Variants in TMTC2 observed in about 807,000 individuals in gnomAD.
TMTC2 encodes transmembrane O-mannosyltransferase targeting cadherins 2.
In TMTC2, 43 loss-of-function variants were observed where a neutral mutation model predicts 82.4. That is an observed-to-expected ratio of 0.52 (90% CI 0.41 to 0.67). The LOEUF is 0.67. TMTC2 is among the 30% of genes least tolerant of loss of function. TMTC2 has a pLI of 0.00. For missense variants in TMTC2, 919 were observed against 1,012.4 expected, an observed-to-expected ratio of 0.91 and a Z score of 1.25; for synonymous variants, 408 against 381.9, an observed-to-expected ratio of 1.07 and a Z score of -0.80.
At chr12:82,932,642 C>A (rs991262614) in intron 4 of TMTC2, among the ~76,000 whole-genome samples, 1 of 152,126 alleles carries the variant, frequency 6.6e-6, no homozygotes, top group African/African-American at 2.4e-5. Context: ...GTTCTTTACA[C>A]TTTTTGCATC....
intron 1 of TMTC2, among the ~76,000 whole-genome samples, chr12:82,745,809 G>C (rs1306652401): frequency 3.3e-5 from 5 of 152,168 alleles, no homozygotes; most frequent in Non-Finnish European, 7.3e-5. Context: ...GTATTAATGT[G>C]GTGACTTAAT....
intron 1 of TMTC2, among the ~76,000 whole-genome samples, chr12:82,782,659 T>TAGTC (rs1488805285): frequency 6.6e-6 from 1 of 152,186 alleles, no homozygotes; most frequent in African/African-American, 2.4e-5. Flanking sequence ...AGCGTTTGGA[T>TAGTC]AGTCATTGAA....
chr12:83,066,968 G>A (rs933259325), intron 11 of TMTC2, among the ~76,000 whole-genome samples: 9 of 151,862 alleles, frequency 5.9e-5, no homozygotes, highest in African/African-American at 2.2e-4. Context: ...ATAGAGATGT[G>A]GGAGTCATTT....
At chr12:83,096,842 T>C (rs1193586539) in intron 11 of TMTC2, among the ~76,000 whole-genome samples, 1 of 152,196 alleles carries the variant, frequency 6.6e-6, no homozygotes, top group African/African-American at 2.4e-5. Flanking sequence ...ACCTATTAGT[T>C]TCTACTCATT....
intron 8 of TMTC2, among the ~76,000 whole-genome samples, chr12:83,004,725 T>TA: frequency 2.6e-5 from 1 of 37,902 alleles, no homozygotes; most frequent in Non-Finnish European, 4.5e-5. Context: ...TGGCCGAATT[T>TA]TTTTTTTTTT....
chr12:83,024,154 C>T (rs1881059636), intron 8 of TMTC2, among the ~76,000 whole-genome samples: 1 of 151,940 alleles, frequency 6.6e-6, no homozygotes, highest in Admixed American at 6.6e-5. Context: ...TGATGGACAC[C>T]CCACCTCAAC....
intron 1 of TMTC2, among the ~76,000 whole-genome samples, chr12:82,711,133 T>C (rs1247046731): frequency 3.3e-5 from 5 of 152,168 alleles, no homozygotes; most frequent in Admixed American, 6.6e-5. Flanking sequence ...TTAAAGTCAT[T>C]AGGAGTATAG....
chr12:82,857,347 G>C lies in TMTC2; in HGVS notation c.421G>C (p.Asp141His), dbSNP rs1484450121. The C allele has an allele frequency of 1.2e-6, 2 of 1,614,022 alleles. No individual in the cohort carries two copies. Among genetic ancestry groups the C allele is most frequent in the African/African-American group, 1.3e-5 (1 of 74,914 alleles). The change falls in exon 2 of 12, where the codon GAT (aspartate) becomes CAT (histidine). Residue 141 changes from aspartate (D) to histidine (H), a missense_variant. Transcript: ENST00000321196. The stretch of plus-strand genomic sequence containing the variant: ...AGTGGCAGGAATCGTGGGACGAGCC[G>C]ATGTCGGGGCCAGTCTCTTCTTTCT... ...EAVAGIVGRADVGASLFFLLS... is the reference protein window; with the variant it reads ...EAVAGIVGRAHVGASLFFLLS...
At chr12:82,986,095 G>T in intron 8 of TMTC2, 49 bp downstream of exon 8, 1 of 1,612,812 alleles carries the variant, frequency 6.2e-7, no homozygotes, top group South Asian at 1.1e-5. Flanking sequence ...TCTCCATGCA[G>T]ACCGGGATAG....
intron 4 of TMTC2, among the ~76,000 whole-genome samples, chr12:82,933,078 G>T (rs535354372): frequency 6.6e-6 from 1 of 152,180 alleles, no homozygotes; most frequent in Admixed American, 6.6e-5. Flanking sequence ...TTGGAAATAG[G>T]TTATGTCGTA....
rs750327519 is a variant in TMTC2 at position 83,040,679 on chromosome 12, C to CTTTTTTT, written c.2152+9813_2152+9819dup. 5.3e-3 allele frequency among the ~76,000 whole-genome samples: 656 copies of CTTTTTTT among 124,136 alleles called. 3 individuals carry two copies. The highest frequency in any genetic ancestry group is 8.3e-3 in the East Asian group (33 of 4,000). 81.4% of individuals were successfully genotyped at this position (124,136 alleles called of 152,430 possible). ...CAATCAACTTTTTTTCTGTCCTTTT[C>CTTTTTTT]TTTTTTTTTTTTTTTTTTTCTTTTG... On this transcript the variant is annotated intron_variant, in intron 9 of 11. Coordinates refer to ENST00000321196, the MANE Select transcript of TMTC2 (RefSeq NM_152588.3).
chr12:82,722,052 G>A (rs754493953), intron 1 of TMTC2, among the ~76,000 whole-genome samples: 21 of 152,116 alleles, frequency 1.4e-4, no homozygotes, highest in Non-Finnish European at 2.6e-4. Context: ...TGGAAGAACT[G>A]TAAGGTTTTA....
intron 1 of TMTC2, among the ~76,000 whole-genome samples, chr12:82,832,527 T>C (rs1647369390): frequency 6.6e-6 from 1 of 152,138 alleles, no homozygotes; most frequent in Non-Finnish European, 1.5e-5. Flanking sequence ...CTATATTTTG[T>C]CCTGTGTAAT....
intron 2 of TMTC2, among the ~76,000 whole-genome samples, chr12:82,891,857 GT>G (rs1396169058): frequency 7.6e-4 from 115 of 152,206 alleles, no homozygotes; most frequent in African/African-American, 2.6e-3. Context: ...TTACCTGTTG[GT>G]TTAGTTTCCC....
chr12:82,864,243 G>T (rs145583406), intron 2 of TMTC2, among the ~76,000 whole-genome samples: 1 of 151,988 alleles, frequency 6.6e-6, no homozygotes, highest in East Asian at 1.9e-4. Flanking sequence ...GTGCTATATT[G>T]TGGCTCCCAA....
intron 2 of TMTC2, among the ~76,000 whole-genome samples, chr12:82,893,581 T>C (rs1276318426): frequency 6.6e-6 from 1 of 152,168 alleles, no homozygotes; most frequent in Non-Finnish European, 1.5e-5. Context: ...CCGCTTAAAA[T>C]TGTCTAATTT....
At chr12:82,955,413 G>A (rs575615411) in intron 4 of TMTC2, among the ~76,000 whole-genome samples, 2 of 152,174 alleles carry the variant, frequency 1.3e-5, no homozygotes, top group South Asian at 4.2e-4. Context: ...TGTTATTGTG[G>A]GTTTGACTGT....
At chr12:82,788,423 A>G (rs12298363) in intron 1 of TMTC2, among the ~76,000 whole-genome samples, 18,579 of 152,064 alleles carry the variant, frequency 0.12, 1,936 homozygotes, top group African/African-American at 0.28. Context: ...TCATGGGTAC[A>G]TGATTTTTAA....
At position 82,783,290 on chromosome 12, in the gene TMTC2, C is replaced by CTGTGTGTGTGTGTG. The variant is rs72110651; in HGVS notation, c.84-73702_84-73689dup. 6.5e-3 allele frequency among the ~76,000 whole-genome samples: 774 copies of CTGTGTGTGTGTGTG among 119,358 alleles called. 23 individuals carry two copies. Among genetic ancestry groups the CTGTGTGTGTGTGTG allele is most frequent in the African/African-American group, 0.021 (644 of 31,254 alleles). The allele number at this position is 119,358 out of a possible 152,430, so 78.3% of individuals were successfully genotyped here. On this transcript the variant is annotated intron_variant, in intron 1 of 11. Coordinates refer to ENST00000321196, the MANE Select transcript of TMTC2 (RefSeq NM_152588.3). ...TGTTTTAACAAGAAGGTATATGCCT[C>CTGTGTGTGTGTGTG]TGTGTGTGTGTGTGTGTGTGTGTGT...
Sources: allele counts gnomAD v4.1 joint callset (sites outside exome capture counted in the v4.1 genomes callset), GRCh38; gene constraint gnomAD v4.1.1; transcripts MANE v1.5; gene names NCBI Gene and HGNC (gene_info 2026-07-23, HGNC 2026-07-21).